GPR19: variants seen among roughly 807,000 people sequenced by gnomAD.
GPR19 encodes the protein probable G protein-coupled receptor 19.
A neutral mutation model predicts 28.5 loss-of-function variants in GPR19; 14 were observed. That is an observed-to-expected ratio of 0.49 (90% CI 0.32 to 0.77). The LOEUF (loss-of-function observed/expected upper bound fraction) is 0.77, where lower values mean the gene tolerates loss of function less well. GPR19 is among the 30% of genes least tolerant of loss of function. GPR19 has a pLI of 0.03. For synonymous variants in GPR19, 173 were observed against 184.1 expected (o/e 0.94, Z 0.49); for missense variants, 409 against 504.1 (o/e 0.81, Z 1.81).
At chr12:12,670,246 A>G (rs1592255926) in intron 3 of GPR19, among the ~76,000 whole-genome samples, 1 of 152,334 alleles carries the variant, frequency 6.6e-6, no homozygotes, top group East Asian at 1.9e-4. Context: ...AGTATGTCCC[A>G]TGCAATATCC....
intron 3 of GPR19, among the ~76,000 whole-genome samples, chr12:12,664,722 T>C (rs908471877): frequency 7.1e-4 from 107 of 151,672 alleles, no homozygotes; most frequent in African/African-American, 2.2e-3. Flanking sequence ...AGATCGAGAC[T>C]ATCCTGGCTA....
At chr12:12,701,688 T>G in the GPR19 span, among the ~76,000 whole-genome samples, 2 of 152,144 alleles carry the variant, frequency 1.3e-5, no homozygotes, top group African/African-American at 4.8e-5. Context: ...TCCAGCACTG[T>G]GGGAGGCCAA....
chr12:12,663,794 T>C (rs1036028881), intron 3 of GPR19, among the ~76,000 whole-genome samples: 4 of 152,234 alleles, frequency 2.6e-5, no homozygotes, highest in African/African-American at 9.6e-5. Context: ...TAAAAGCCCA[T>C]GTGGGGTTAC....
At chr12:12,681,879 C>T (rs1946028792) in intron 3 of GPR19, among the ~76,000 whole-genome samples, 2 of 152,206 alleles carry the variant, frequency 1.3e-5, no homozygotes, top group Non-Finnish European at 2.9e-5. Context: ...GGAAAATCTT[C>T]TTCATTCAGG....
chr12:12,673,754 CA>C (rs1404112214), intron 3 of GPR19, among the ~76,000 whole-genome samples: 2 of 151,976 alleles, frequency 1.3e-5, no homozygotes, highest in Non-Finnish European at 2.9e-5. Flanking sequence ...GAAAGGTGGG[CA>C]AAGGTAGGAT....
rs531136632 is a variant in GPR19 at position 12,663,607 on chromosome 12, C to T, written c.-22-1137G>A. 1.9e-4 allele frequency among the ~76,000 whole-genome samples: 29 copies of T among 152,206 alleles called. No homozygotes were observed. In the Middle Eastern group the frequency reaches 0.01, roughly 54 times the overall value. ...GCAAAAAGATTAAATAGTTGTGGGT[C>T]ATTCAATTAAAATTGAGGTGATTTT... On this transcript the variant is annotated intron_variant, in intron 3 of 3. Transcript: ENST00000651487.
At chr12:12,706,854 T>C in the GPR19 span, among the ~76,000 whole-genome samples, 1 of 152,200 alleles carries the variant, frequency 6.6e-6, no homozygotes, top group Non-Finnish European at 1.5e-5. Flanking sequence ...GATTAGTGTA[T>C]AGTCTACTAT....
chr12:12,687,165 G>C (rs571127981), intron 2 of GPR19, among the ~76,000 whole-genome samples: 2 of 152,322 alleles, frequency 1.3e-5, no homozygotes, highest in South Asian at 4.1e-4. Flanking sequence ...TTGCCTTGGA[G>C]ATAGTGTTTT....
intron 3 of GPR19, among the ~76,000 whole-genome samples, chr12:12,676,429 TC>T (rs781225528): frequency 1.3e-5 from 2 of 151,806 alleles, no homozygotes; most frequent in Non-Finnish European, 2.9e-5. Context: ...AGAGAGCTCA[TC>T]CTGAGAGTGC....
rs565123509 is a variant in GPR19, at chr12:12,692,198, A to G, written c.-180+3261T>C. 1.2e-4 allele frequency among the ~76,000 whole-genome samples: 19 copies of G among 152,292 alleles called. 1 individual carries two copies. The South Asian group carries it at 3.7e-3, about 30-fold the overall frequency. On this transcript the variant is annotated intron_variant, in intron 2 of 3. Coordinates refer to ENST00000651487, the MANE Select transcript of GPR19 (RefSeq NM_006143.3). ...TATTAAAGACTGATTCCTTATCTCA[A>G]TGGGCACTTACGTGGGTTTAGGGGG...
upstream of GPR19, chr12:12,696,221 C>A (rs1298490175): frequency 6.6e-6 from 1 of 152,170 alleles, no homozygotes; most frequent in African/African-American, 2.4e-5. Flanking sequence ...AATGATGAGC[C>A]AGACGCATGC....
chr12:12,710,195 T>C, the GPR19 span, among the ~76,000 whole-genome samples: 1 of 151,892 alleles, frequency 6.6e-6, no homozygotes, highest in Non-Finnish European at 1.5e-5. Context: ...CTACTAAAAA[T>C]ACAAAAAATT....
the GPR19 span, chr12:12,715,023 A>G: frequency 6.6e-6 from 1 of 152,214 alleles, no homozygotes. Context: ...AAGATTCAGC[A>G]TGTGAAGGGG....
At chr12:12,686,176 T>C (rs557037219) in intron 2 of GPR19, among the ~76,000 whole-genome samples, 9 of 152,340 alleles carry the variant, frequency 5.9e-5, no homozygotes, top group African/African-American at 2.2e-4. Flanking sequence ...GAAAGACGAA[T>C]GCTGACTTGC....
At chr12:12,677,037 G>A (rs369497731) in intron 3 of GPR19, among the ~76,000 whole-genome samples, 2 of 152,112 alleles carry the variant, frequency 1.3e-5, no homozygotes, top group Admixed American at 6.6e-5. Flanking sequence ...GTTAAGAAGC[G>A]AGTATAAGCA....
At chr12:12,702,164 T>G in the GPR19 span, among the ~76,000 whole-genome samples, 20 of 152,126 alleles carry the variant, frequency 1.3e-4, no homozygotes, top group South Asian at 3.9e-3. Context: ...CTCTGATGAC[T>G]AGCCTTATGG....
At chr12:12,707,876 G>A in the GPR19 span, among the ~76,000 whole-genome samples, 1 of 151,176 alleles carries the variant, frequency 6.6e-6, no homozygotes, top group Non-Finnish European at 1.5e-5. Flanking sequence ...GAGTCACTGC[G>A]CCGAGCCCAA....
intron 3 of GPR19, among the ~76,000 whole-genome samples, chr12:12,678,855 G>A (rs1319509378): frequency 6.6e-6 from 1 of 152,132 alleles, no homozygotes; most frequent in Non-Finnish European, 1.5e-5. Flanking sequence ...GGAGTGCAGT[G>A]GTGTCATCCC....
intron 3 of GPR19, among the ~76,000 whole-genome samples, chr12:12,670,371 A>C (rs1226138015): frequency 6.6e-6 from 1 of 152,228 alleles, no homozygotes; most frequent in Non-Finnish European, 1.5e-5. Flanking sequence ...CAGTGTAGGC[A>C]TACTGCAAAG....
Sources: allele counts gnomAD v4.1 joint callset (sites outside exome capture counted in the v4.1 genomes callset), GRCh38; gene constraint gnomAD v4.1.1; transcripts MANE v1.5; gene names NCBI Gene and HGNC (gene_info 2026-07-23, HGNC 2026-07-21).